Variants in UBR1 observed in about 807,000 individuals in gnomAD.
UBR1 encodes the protein ubiquitin protein ligase E3 component n-recognin 1.
UBR1 carries 102 observed loss-of-function variants against 242.1 expected under a neutral mutation model. The ratio of observed to expected loss-of-function variants is 0.42; its 90% confidence interval spans 0.36 to 0.50. The LOEUF (loss-of-function observed/expected upper bound fraction) is 0.50. Among genes scored for constraint, UBR1 ranks in the 20% least tolerant of loss-of-function variants. The pLI, the probability that UBR1 is intolerant of heterozygous loss-of-function variation, is 0.01. For synonymous variants in UBR1, 675 were observed against 684.8 expected, an observed-to-expected ratio of 0.99 and a Z score of 0.22; for missense variants, 1,772 against 2,101.8, an observed-to-expected ratio of 0.84 and a Z score of 3.07.
At chr15:42,957,158 CTT>C (rs2031934002) in intron 44 of UBR1, among the ~76,000 whole-genome samples, 1 of 152,078 alleles carries the variant, frequency 6.6e-6, no homozygotes, top group East Asian at 1.9e-4. Context: ...TAAACAAACT[CTT>C]ATATATACAT....
intron 29 of UBR1, among the ~76,000 whole-genome samples, chr15:43,014,961 CA>C (rs1382172801): frequency 3.4e-5 from 5 of 148,954 alleles, no homozygotes; most frequent in Non-Finnish European, 7.4e-5. Context: ...GCTGCCCTGT[CA>C]GGGAGGGAGG....
intron 1 of UBR1, among the ~76,000 whole-genome samples, chr15:43,097,335 A>G (rs2034173530): frequency 6.6e-6 from 1 of 152,194 alleles, no homozygotes; most frequent in African/African-American, 2.4e-5. Flanking sequence ...CATTTATTCA[A>G]CATACGCAGA....
chr15:43,061,721 C>T (rs1314527385), intron 6 of UBR1, among the ~76,000 whole-genome samples: 6 of 143,960 alleles, frequency 4.2e-5, no homozygotes, highest in Non-Finnish European at 7.5e-5. Context: ...GAAAAACAAA[C>T]ATTATATGTT....
chr15:42,957,195 A>G (rs2031934869), intron 44 of UBR1, among the ~76,000 whole-genome samples: 1 of 152,222 alleles, frequency 6.6e-6, no homozygotes, highest in Non-Finnish European at 1.5e-5. Flanking sequence ...TTTAGTCAAA[A>G]AAGGAAAAAA....
chr15:43,084,859 TA>T (rs769133242), intron 2 of UBR1, among the ~76,000 whole-genome samples: 2 of 152,210 alleles, frequency 1.3e-5, no homozygotes, highest in Non-Finnish European at 2.9e-5. Context: ...TATAAGGAAG[TA>T]AAAACAATTC....
intron 25 of UBR1, among the ~76,000 whole-genome samples, chr15:43,023,231 G>A (rs777395723): frequency 8.5e-5 from 13 of 152,172 alleles, no homozygotes; most frequent in East Asian, 1.9e-4. Context: ...TAAAAAACAC[G>A]GAAAGGTTTC....
rs2031695105 is a variant in UBR1 at position 42,944,161 on chromosome 15, T to C, written c.*1168A>G. The C allele has an allele frequency of 6.6e-6, 1 of 152,488 alleles. No individual in the cohort carries two copies. The highest frequency in any genetic ancestry group is 1.9e-4 in the East Asian group (1 of 5,198). The allele number at this position is 152,488 out of a possible 1,614,324, so 9.4% of individuals were successfully genotyped here. ...TAAGTTAAAATGGAAGGTTTCCATT[T>C]ATCTTCTGCTGTTTTATATCACAAT... On this transcript the variant is annotated 3_prime_UTR_variant, in exon 47 of 47. Coordinates refer to ENST00000290650, the MANE Select transcript of UBR1 (RefSeq NM_174916.3).
At position 43,043,743 on chromosome 15, in the gene UBR1, AG is replaced by A. The variant is rs200225992; in HGVS notation, c.1669-349del. Reference sequence around the variant, plus strand: ...ATTACAGGTGTGGGCCACCATGCCCAGCATAACATGCATCATTCAATAAATA... The same window carrying A: ...ATTACAGGTGTGGGCCACCATGCCCACATAACATGCATCATTCAATAAATA... On this transcript the variant is annotated intron_variant, in intron 14 of 46. Coordinates refer to ENST00000290650, the MANE Select transcript of UBR1 (RefSeq NM_174916.3). Among the ~76,000 whole-genome samples the A allele has an allele frequency of 3.4e-3, 525 of 152,364 alleles. 2 individuals are homozygous for A. Among genetic ancestry groups the A allele is most frequent in the African/African-American group, 0.012 (500 of 41,586 alleles).
intron 29 of UBR1, among the ~76,000 whole-genome samples, chr15:43,013,637 GGGTT>G (rs1288028858): frequency 1.3e-5 from 2 of 152,066 alleles, no homozygotes; most frequent in Non-Finnish European, 2.9e-5. Context: ...ACAAAATAAC[GGGTT>G]GGTTATCTTT....
chr15:43,028,786 T>C (rs1211044879), intron 21 of UBR1, among the ~76,000 whole-genome samples: 1 of 145,714 alleles, frequency 6.9e-6, no homozygotes. Flanking sequence ...AAAAAATATA[T>C]ATATATATAT....
intron 9 of UBR1, 37 bp from the exon 10 acceptor site, chr15:43,058,466 G>A: frequency 6.6e-7 from 1 of 1,516,080 alleles, no homozygotes. Flanking sequence ...GGAATGAGGA[G>A]AATCACCAAG....
intron 44 of UBR1, among the ~76,000 whole-genome samples, chr15:42,953,978 G>A (rs1366258334): frequency 6.6e-6 from 1 of 151,150 alleles, no homozygotes; most frequent in Non-Finnish European, 1.5e-5. Flanking sequence ...AACCTCCTCG[G>A]CTCAAGTGAT....
rs187329646 is a variant in UBR1, at chr15:42,983,026, C to A, written c.4150+871G>T. Among the ~76,000 whole-genome samples, 67 of 152,218 alleles carry A rather than the reference C, an allele frequency of 4.4e-4. 1 individual carries two copies. The South Asian group carries it at 5.4e-3, about 12-fold the overall frequency. On this transcript the variant is annotated intron_variant, in intron 37 of 46. Coordinates refer to ENST00000290650, the MANE Select transcript of UBR1 (RefSeq NM_174916.3). ...TAATGCTGTGTAATGACTTACCCTG[C>A]ATTTTATTTCTATACTAATTGAGAT...
intron 32 of UBR1, among the ~76,000 whole-genome samples, chr15:42,999,426 C>A (rs1164286057): frequency 1.3e-5 from 2 of 152,230 alleles, no homozygotes; most frequent in Non-Finnish European, 2.9e-5. Flanking sequence ...ACTGCTTTAG[C>A]TTTCTCATAG....
chr15:43,101,510 A>G (rs1013055809), intron 1 of UBR1, among the ~76,000 whole-genome samples: 1 of 152,114 alleles, frequency 6.6e-6, no homozygotes, highest in Non-Finnish European at 1.5e-5. Context: ...TTCCTCTCCT[A>G]AAATCTTGTC....
At chr15:42,985,500 G>A (rs969534782) in intron 35 of UBR1, among the ~76,000 whole-genome samples, 3 of 151,976 alleles carry the variant, frequency 2.0e-5, no homozygotes, top group African/African-American at 7.2e-5. Flanking sequence ...TTACAGGCGT[G>A]CACCACTACG....
intron 43 of UBR1, among the ~76,000 whole-genome samples, chr15:42,959,420 A>C (rs2031978563): frequency 6.6e-6 from 1 of 152,180 alleles, no homozygotes; most frequent in South Asian, 2.1e-4. Context: ...TTGCCTCATT[A>C]ACAATCTTTT....
intron 40 of UBR1, among the ~76,000 whole-genome samples, chr15:42,967,223 T>TC (rs931081514): frequency 1.4e-5 from 2 of 147,984 alleles, no homozygotes; most frequent in African/African-American, 4.9e-5. Context: ...CAACTAGTTT[T>TC]TTTTTTTTTT....
chr15:43,012,159 G>A (rs1427176531), intron 29 of UBR1, among the ~76,000 whole-genome samples: 2 of 151,848 alleles, frequency 1.3e-5, no homozygotes, highest in Non-Finnish European at 2.9e-5. Context: ...CCCTGGAGGT[G>A]GAGCTTGCAG....
Sources: gnomAD v4.1 joint callset for allele counts (sites outside exome capture counted in the v4.1 genomes callset) on GRCh38, gnomAD v4.1.1 for gene constraint, MANE v1.5 for transcripts, NCBI Gene and HGNC (gene_info 2026-07-23, HGNC 2026-07-21) for gene names.